MSH3: variants seen among roughly 807,000 people sequenced by gnomAD.
MSH3 encodes the protein DNA mismatch repair protein Msh3.
Under a neutral mutation model 123.3 loss-of-function variants are expected in MSH3, and 106 were observed. The ratio of observed to expected loss-of-function variants is 0.86; its 90% CI spans 0.73 to 1.01. MSH3 has a LOEUF of 1.01. Ranked by LOEUF, MSH3 falls within the 50% of genes least tolerant of loss-of-function variation. MSH3 has a pLI of 0.00. For synonymous variants in MSH3, 515 were observed against 481.4 expected, an observed-to-expected ratio of 1.07 and a Z score of -0.91; for missense variants, 1,459 against 1,347.6, an observed-to-expected ratio of 1.08 and a Z score of -1.29.
chr5:80,762,830 G>GTTATGTTATGTTATGTTATT (rs1205226469), intron 13 of MSH3, among the ~76,000 whole-genome samples: 4 of 121,014 alleles, frequency 3.3e-5, no homozygotes, highest in African/African-American at 1.2e-4. Context: ...GTTATGTTAT[G>GTTATGTTATGTTATGTTATT]TTATTTTATG....
intron 20 of MSH3, among the ~76,000 whole-genome samples, chr5:80,829,165 G>A (rs1745376739): frequency 6.6e-6 from 1 of 152,194 alleles, no homozygotes; most frequent in African/African-American, 2.4e-5. Flanking sequence ...TGTTACATTG[G>A]AGATTAAGTT....
At chr5:80,758,268 A>G (rs1743962974) in intron 12 of MSH3, among the ~76,000 whole-genome samples, 1 of 152,152 alleles carries the variant, frequency 6.6e-6, no homozygotes, top group African/African-American at 2.4e-5. Context: ...TTTGGATGCT[A>G]TTTATCCCTC....
At position 80,694,823 on chromosome 5, in the gene MSH3, T is replaced by G. The variant is rs1484032539; in HGVS notation, c.1340+15730T>G. ...TCCTTCTAACCTTTATGGTTTCAGA[T>G]GAGAAATCTACTATCATTCAAATTG... On this transcript the variant is annotated intron_variant, in intron 8 of 23. Coordinates refer to ENST00000265081, the MANE Select transcript of MSH3 (RefSeq NM_002439.5). Among the ~76,000 whole-genome samples the G allele has an allele frequency of 2.0e-5, 3 of 152,008 alleles. No homozygotes were observed. The East Asian group carries it at 5.8e-4, about 29-fold the overall frequency.
At chr5:80,659,089 C>T (rs903091933) in intron 2 of MSH3, among the ~76,000 whole-genome samples, 6 of 152,024 alleles carry the variant, frequency 3.9e-5, no homozygotes, top group African/African-American at 1.2e-4. Context: ...CAAAAATTAG[C>T]CGGATGTGGT....
At chr5:80,848,834 T>C (rs1248305173) in intron 20 of MSH3, among the ~76,000 whole-genome samples, 2 of 152,152 alleles carry the variant, frequency 1.3e-5, no homozygotes, top group African/African-American at 4.8e-5. Flanking sequence ...CCCTCCCAAA[T>C]CTCGTATCTT....
intron 20 of MSH3, among the ~76,000 whole-genome samples, chr5:80,824,319 G>A (rs13178102): frequency 6.6e-6 from 1 of 151,890 alleles, no homozygotes; most frequent in Non-Finnish European, 1.5e-5. Flanking sequence ...GCTGGGCGGA[G>A]GCGCCCCCCA....
chr5:80,789,909 T>C (rs1303130105), intron 18 of MSH3, among the ~76,000 whole-genome samples: 1 of 152,116 alleles, frequency 6.6e-6, no homozygotes, highest in African/African-American at 2.4e-5. Context: ...ATCTTAGTAA[T>C]CAGTGAGTGC....
intron 8 of MSH3, among the ~76,000 whole-genome samples, chr5:80,680,273 A>AT (rs1482312275): frequency 6.6e-6 from 1 of 151,988 alleles, no homozygotes; most frequent in Non-Finnish European, 1.5e-5. Flanking sequence ...AAAAAAAAAA[A>AT]GAAAATCAAA....
intron 20 of MSH3, among the ~76,000 whole-genome samples, chr5:80,823,595 C>T (rs1745237464): frequency 6.7e-6 from 1 of 149,584 alleles, no homozygotes; most frequent in Admixed American, 6.7e-5. Flanking sequence ...GCTCATATGG[C>T]ACTCTTAATC....
chr5:80,855,899 T>C (rs1302986781), intron 21 of MSH3: 1 of 150,074 alleles, frequency 6.7e-6, no homozygotes, highest in Admixed American at 6.7e-5. Flanking sequence ...TTTTTTTTCT[T>C]TTTTGAAATG....
chr5:80,743,597 C>T (rs1743658261), intron 11 of MSH3, among the ~76,000 whole-genome samples: 1 of 9,068 alleles, frequency 1.1e-4, no homozygotes, highest in Non-Finnish European at 2.1e-4. Flanking sequence ...GTAATCCCAG[C>T]ACTTTGGGAG....
rs1580091648 is a variant in MSH3 at position 80,854,312 on chromosome 5, G to A, written c.2996G>A (p.Arg999Lys). 1.2e-6 allele frequency: 2 copies of A among 1,612,870 alleles called. No homozygotes were observed. Among genetic ancestry groups the A allele is most frequent in the East Asian group, 2.2e-5 (1 of 44,838 alleles). Residue 999 changes from arginine (R) to lysine (K), a missense_variant, in exon 21 of 24, where the codon AGA becomes AAA. Coordinates refer to ENST00000265081, the MANE Select transcript of MSH3 (RefSeq NM_002439.5). ...TATGCTACACTTGAGTATTTCATCA[G>A]AGATGTAAGTATCCGGTAAACTGTA... ...IAYATLEYFI[R>K]DVKSLTLFVT...
chr5:80,746,205 G>A (rs1253385743), intron 12 of MSH3: 1 of 224,940 alleles, frequency 4.4e-6, no homozygotes, highest in African/African-American at 2.3e-5. Flanking sequence ...ATTCACTGAG[G>A]ACAATATTCT....
intron 20 of MSH3, among the ~76,000 whole-genome samples, chr5:80,828,491 C>A (rs556799332): frequency 1.3e-5 from 2 of 152,176 alleles, no homozygotes; most frequent in Admixed American, 6.5e-5. Context: ...CCCTGGCCCC[C>A]ACAAATTCTA....
At chr5:80,707,987 T>G (rs1403950617) in intron 8 of MSH3, among the ~76,000 whole-genome samples, 1 of 152,246 alleles carries the variant, frequency 6.6e-6, no homozygotes, top group African/African-American at 2.4e-5. Flanking sequence ...ATTTTGAGAC[T>G]TGGATTACTT....
intron 15 of MSH3, among the ~76,000 whole-genome samples, chr5:80,771,865 T>A (rs10040849): frequency 0.11 from 17,249 of 152,224 alleles, 1,052 homozygotes; most frequent in African/African-American, 0.16. Context: ...GTATGATTCC[T>A]TATTGTCTCT....
At chr5:80,782,676 A>G (rs1744431734) in intron 17 of MSH3, among the ~76,000 whole-genome samples, 1 of 152,222 alleles carries the variant, frequency 6.6e-6, no homozygotes. Flanking sequence ...CAGAAAAAGA[A>G]TATTGGCTGA....
At chr5:80,839,195 C>G (rs1326657745) in intron 20 of MSH3, among the ~76,000 whole-genome samples, 2 of 152,066 alleles carry the variant, frequency 1.3e-5, no homozygotes, top group Admixed American at 6.6e-5. Context: ...ACCGAAACCC[C>G]ATCTCTACTA....
At chr5:80,828,985 G>A (rs1045447208) in intron 20 of MSH3, among the ~76,000 whole-genome samples, 4 of 152,182 alleles carry the variant, frequency 2.6e-5, no homozygotes, top group Admixed American at 6.5e-5. Context: ...TCTCAGCGAG[G>A]TTCTGTTCTC....
Sources: gnomAD v4.1 joint callset for allele counts (sites outside exome capture counted in the v4.1 genomes callset) on GRCh38, gnomAD v4.1.1 for gene constraint, MANE v1.5 for transcripts, NCBI Gene and HGNC (gene_info 2026-07-23, HGNC 2026-07-21) for gene names.